FER: variants seen among roughly 807,000 people sequenced by gnomAD.
The protein encoded by FER is tyrosine-protein kinase Fer.
FER carries 63 observed loss-of-function variants against 111.0 expected under a neutral mutation model. That is an observed-to-expected ratio of 0.57 (90% CI 0.46 to 0.70). The LOEUF is 0.70. Ranked by LOEUF, FER falls within the 30% of genes least tolerant of loss-of-function variation. The pLI, the probability that FER is intolerant of heterozygous loss-of-function variation, is 0.00. For missense variants in FER, 914 were observed against 954.0 expected, an observed-to-expected ratio of 0.96 and a Z score of 0.55; for synonymous variants, 327 against 313.9, an observed-to-expected ratio of 1.04 and a Z score of -0.44.
At chr5:108,794,069 A>G (rs994016401) in intron 2 of FER, among the ~76,000 whole-genome samples, 2 of 152,102 alleles carry the variant, frequency 1.3e-5, no homozygotes, top group Non-Finnish European at 2.9e-5. Flanking sequence ...CACCACAATT[A>G]CACATTATTA....
In FER at chr5:108,755,874, G is replaced by T. The variant is rs570489257; in HGVS notation, c.-206+7874G>T. Among the ~76,000 whole-genome samples the T allele has an allele frequency of 2.0e-5, 3 of 151,218 alleles. No individual in the cohort carries two copies. In the East Asian group the frequency reaches 5.9e-4, roughly 30 times the overall value. On this transcript the variant is annotated intron_variant, in intron 1 of 19. Coordinates refer to ENST00000281092, the MANE Select transcript of FER (RefSeq NM_005246.4). ...TTTATGAAAATATACAGTATCAGCC[G>T]GGCACTGTGGGTCACACCTGTAATC...
chr5:109,046,075 C>T (rs1182812679), intron 15 of FER, among the ~76,000 whole-genome samples: 1 of 152,000 alleles, frequency 6.6e-6, no homozygotes, highest in African/African-American at 2.4e-5. Context: ...GGTTTCAAGT[C>T]TATCCTACTT....
chr5:108,779,030 G>A (rs891359427), intron 2 of FER, among the ~76,000 whole-genome samples: 2 of 150,942 alleles, frequency 1.3e-5, no homozygotes, highest in East Asian at 1.9e-4. Flanking sequence ...TTTGCAAGTG[G>A]ATGTCCAATT....
At chr5:108,886,460 C>T (rs946681649) in intron 9 of FER, among the ~76,000 whole-genome samples, 7 of 148,932 alleles carry the variant, frequency 4.7e-5, no homozygotes, top group African/African-American at 1.7e-4. Context: ...ATGTAACATA[C>T]ATAAATGTAC....
At chr5:108,765,649 G>C (rs1348205894) in intron 1 of FER, among the ~76,000 whole-genome samples, 1 of 152,108 alleles carries the variant, frequency 6.6e-6, no homozygotes, top group Non-Finnish European at 1.5e-5. Context: ...CTTGAACTTA[G>C]GTCTGTGGAA....
chr5:108,909,108 G>A (rs1398791536), intron 10 of FER, among the ~76,000 whole-genome samples: 1 of 152,162 alleles, frequency 6.6e-6, no homozygotes, highest in Non-Finnish European at 1.5e-5. Flanking sequence ...GACAATGTAT[G>A]TAGTGAAGGA....
At chr5:109,051,217 C>G in intron 16 of FER, 1 of 799,244 alleles carries the variant, frequency 1.3e-6, no homozygotes, top group Admixed American at 2.0e-5. Context: ...TGAATACCAC[C>G]TCCACCGGAT....
At chr5:109,047,283 C>T (rs1240044034) in intron 16 of FER, 85 bp downstream of exon 16, 3 of 727,580 alleles carry the variant, frequency 4.1e-6, no homozygotes, top group Non-Finnish European at 4.6e-6. Flanking sequence ...TTGATTTCTC[C>T]TCGTAAAGTC....
At chr5:108,952,280 T>C (rs1419042578) in intron 11 of FER, among the ~76,000 whole-genome samples, 2 of 145,250 alleles carry the variant, frequency 1.4e-5, no homozygotes, top group Non-Finnish European at 3.1e-5. Context: ...GTGATGTCAT[T>C]ATGGTGGGCT....
rs1382033720 is a variant in FER, at chr5:109,195,963, G to C, written c.*8388G>C. On this transcript the variant is annotated 3_prime_UTR_variant, in exon 20 of 20. Coordinates refer to ENST00000281092, the MANE Select transcript of FER (RefSeq NM_005246.4). Reference sequence around the variant, plus strand: ...TTTCTTCGTGTTTTTTCTTGGTTTTGTCTGGCTTCTTCTGGCAAGTGCCCT... The same window carrying C: ...TTTCTTCGTGTTTTTTCTTGGTTTTCTCTGGCTTCTTCTGGCAAGTGCCCT... 6.6e-6 allele frequency: 1 copy of C among 152,208 alleles called. No individual in the cohort carries two copies. The highest frequency in any genetic ancestry group is 2.4e-5 in the African/African-American group (1 of 41,424). The allele number at this position is 152,208 out of a possible 1,614,324, so 9.4% of individuals were successfully genotyped here. A position where few individuals can be genotyped will look rare whatever the true frequency, so the allele number is the denominator to read the frequency against.
At chr5:108,838,535 G>A (rs1331874468) in intron 5 of FER, among the ~76,000 whole-genome samples, 3 of 152,068 alleles carry the variant, frequency 2.0e-5, no homozygotes, top group Non-Finnish European at 2.9e-5. Flanking sequence ...ATAACTGGGA[G>A]TTCAGCAGTA....
chr5:108,837,334 T>TC (rs1760769532), intron 5 of FER, among the ~76,000 whole-genome samples: 1 of 152,208 alleles, frequency 6.6e-6, no homozygotes, highest in African/African-American at 2.4e-5. Context: ...ACTTGAGAAC[T>TC]CCAAGTCTCA....
intron 3 of FER, among the ~76,000 whole-genome samples, chr5:108,828,072 A>G (rs989259255): frequency 6.6e-6 from 1 of 151,960 alleles, no homozygotes; most frequent in African/African-American, 2.4e-5. Context: ...GTCTTGCTAC[A>G]TTGCCCAGGC....
intron 13 of FER, among the ~76,000 whole-genome samples, chr5:108,997,397 G>A (rs914050734): frequency 3.4e-5 from 5 of 147,658 alleles, no homozygotes; most frequent in African/African-American, 7.6e-5. Flanking sequence ...AGCCTGGGTG[G>A]TGGAGCGAGA....
intron 16 of FER, among the ~76,000 whole-genome samples, chr5:109,075,640 G>A (rs557615906): frequency 1.3e-5 from 2 of 151,984 alleles, no homozygotes; most frequent in African/African-American, 4.8e-5. Flanking sequence ...AGCCAGGATG[G>A]TCTCAATCTC....
intron 17 of FER, among the ~76,000 whole-genome samples, chr5:109,116,855 A>G (rs867645873): frequency 3.3e-5 from 5 of 152,190 alleles, no homozygotes; most frequent in Admixed American, 3.3e-4. Context: ...AGCAGTTCAG[A>G]GTAAGGACTA....
chr5:109,049,546 A>G (rs1380503207), intron 16 of FER, among the ~76,000 whole-genome samples: 1 of 152,182 alleles, frequency 6.6e-6, no homozygotes, highest in Non-Finnish European at 1.5e-5. Context: ...CTCTTACGTT[A>G]CTAGCTAAAG....
intron 2 of FER, among the ~76,000 whole-genome samples, chr5:108,791,554 T>A (rs956179412): frequency 6.9e-6 from 1 of 144,216 alleles, no homozygotes; most frequent in Admixed American, 7.0e-5. Context: ...TACACACACA[T>A]ATGTGTATAT....
chr5:108,793,523 G>C lies in FER; in HGVS notation c.-59-4601G>C, dbSNP rs576521684. ...TCTATTTTTTTTTTGGCGGGGCGGG[G>C]GGGGTGGTTATATACCCAGCAGCGG... On this transcript the variant is annotated intron_variant, in intron 2 of 19. Transcript: ENST00000281092. 3.6e-4 allele frequency among the ~76,000 whole-genome samples: 50 copies of C among 137,656 alleles called. 1 individual carries two copies. Among genetic ancestry groups the C allele is most frequent in the African/African-American group, 1.4e-3 (49 of 35,364 alleles). 90.3% of individuals were successfully genotyped at this position (137,656 alleles called of 152,430 possible). A position where few individuals can be genotyped will look rare whatever the true frequency, so the allele number is the denominator to read the frequency against.
Sources: gnomAD v4.1 joint callset for allele counts (sites outside exome capture counted in the v4.1 genomes callset) on GRCh38, gnomAD v4.1.1 for gene constraint, MANE v1.5 for transcripts, NCBI Gene and HGNC (gene_info 2026-07-23, HGNC 2026-07-21) for gene names.